RIMBP2: variants seen among roughly 807,000 people sequenced by gnomAD.
RIMBP2 encodes the protein RIMS-binding protein 2.
RIMBP2 carries 48 observed loss-of-function variants against 118.6 expected under a neutral mutation model. The observed-to-expected ratio is 0.40, with a 90% CI of 0.32 to 0.51. The LOEUF (loss-of-function observed/expected upper bound fraction) is 0.51. Ranked by LOEUF, RIMBP2 falls within the 20% of genes least tolerant of loss-of-function variation. RIMBP2 has a pLI of 0.41. For synonymous variants in RIMBP2, 762 were observed against 742.9 expected (o/e 1.03, Z -0.42); for missense variants, 1,551 against 1,768.3 (o/e 0.88, Z 2.20).
In RIMBP2 at chr12:130,434,986, A is replaced by AC. The variant is rs561125595; in HGVS notation, c.2107-107dup. ...TCAGCCCCTCAGAGCCTGGCCAGGC[A>AC]CCCCCCACACAGTGCTTTGGGCCCA... On this transcript the variant is annotated intron_variant, in intron 13 of 22. Transcript: ENST00000690449. The surrounding 1 kb of genome is among the most constrained non-coding windows in gnomAD (Gnocchi z 5.7). 11 of 1,197,960 alleles carry AC rather than the reference A, an allele frequency of 9.2e-6. No homozygotes were observed. Among genetic ancestry groups the AC allele is most frequent in the South Asian group, 3.1e-5 (2 of 64,364 alleles). 74.2% of individuals were successfully genotyped at this position (1,197,960 alleles called of 1,614,324 possible). A position where few individuals can be genotyped will look rare whatever the true frequency, so the allele number is the denominator to read the frequency against.
chr12:130,481,210 A>AGGG (rs1289278749), intron 4 of RIMBP2, among the ~76,000 whole-genome samples: 31 of 88,008 alleles, frequency 3.5e-4, no homozygotes, highest in South Asian at 2.0e-3. Flanking sequence ...GAGGAGGCAG[A>AGGG]CAGGCTGATT....
In RIMBP2 at chr12:130,505,607, C is replaced by T. The variant is rs867627706; in HGVS notation, c.-4+1041G>A. Among the ~76,000 whole-genome samples the T allele has an allele frequency of 2.0e-3, 176 of 88,744 alleles. 7 individuals are homozygous for T. Among genetic ancestry groups the T allele is most frequent in the African/African-American group, 8.2e-3 (168 of 20,502 alleles). The allele number at this position is 88,744 out of a possible 152,430, so 58.2% of individuals were successfully genotyped here. ...CCTCATCCCCAACCCCCACTCCCTCCACTCCCCACCATCATCCCTGGAGGG... is the reference window on the plus strand; with the variant it reads ...CCTCATCCCCAACCCCCACTCCCTCTACTCCCCACCATCATCCCTGGAGGG... On this transcript the variant is annotated intron_variant, in intron 4 of 22. Coordinates refer to ENST00000690449, the MANE Select transcript of RIMBP2 (RefSeq NM_001393629.1).
chr12:130,613,202 T>C (rs1276886350), intron 2 of RIMBP2, among the ~76,000 whole-genome samples: 1 of 150,212 alleles, frequency 6.7e-6, no homozygotes, highest in African/African-American at 2.5e-5. Context: ...GGAGGGAGAG[T>C]TGACAGCAGT....
At chr12:130,414,556 G>A (rs769269708) in intron 17 of RIMBP2, 29 of 322,286 alleles carry the variant, frequency 9.0e-5, no homozygotes, top group Non-Finnish European at 1.6e-4. Flanking sequence ...GCTGGGCCTC[G>A]GGGGCCTCCT....
chr12:130,621,842 T>C lies in RIMBP2; in HGVS notation c.-217+6480A>G, dbSNP rs556970511. Among the ~76,000 whole-genome samples, 1 of 152,264 alleles carries C rather than the reference T, an allele frequency of 6.6e-6. No homozygotes were observed. The highest frequency in any genetic ancestry group is 2.1e-4 in the South Asian group (1 of 4,826). On this transcript the variant is annotated intron_variant, in intron 2 of 22. Transcript: ENST00000690449. This position sits in a 1 kb window ranked among gnomAD's most constrained non-coding sequence, Gnocchi z 6.6. ...GCCCTTGAAGGTAAACCTGGAGCCA[T>C]CGCTGAACCCAGCCTGGTACTGAGG... is the stretch of plus-strand genomic sequence containing the variant.
rs1241107373 is a variant in RIMBP2 at position 130,446,764 on chromosome 12, G to A, written c.582-1495C>T. Among the ~76,000 whole-genome samples, 3 of 152,216 alleles carry A rather than the reference G, an allele frequency of 2.0e-5. No homozygotes were observed. Among genetic ancestry groups the A allele is most frequent in the African/African-American group, 4.8e-5 (2 of 41,452 alleles). On this transcript the variant is annotated intron_variant, in intron 9 of 22. Transcript: ENST00000690449. The surrounding 1 kb of genome is among the most constrained non-coding windows in gnomAD (Gnocchi z 4.1). ...ACAAGCTGTGGGATGTCATGAAAGA[G>A]TTTTAAGCCAGGGAGCGACAGGATC...
chr12:130,512,855 C>T (rs754970941), intron 3 of RIMBP2, among the ~76,000 whole-genome samples: 44 of 152,296 alleles, frequency 2.9e-4, no homozygotes, highest in Non-Finnish European at 5.3e-4. Context: ...CCCTCTTATG[C>T]GATTTTTTTT....
At chr12:130,529,367 C>T (rs1239055809) in intron 2 of RIMBP2, among the ~76,000 whole-genome samples, 2 of 152,134 alleles carry the variant, frequency 1.3e-5, no homozygotes, top group South Asian at 2.1e-4. Context: ...AAGCCAGACA[C>T]AAATGTTCAC....
At chr12:130,549,291 C>T (rs999314368) in intron 2 of RIMBP2, among the ~76,000 whole-genome samples, 7 of 152,210 alleles carry the variant, frequency 4.6e-5, no homozygotes, top group South Asian at 4.2e-4. Context: ...AATGATACGA[C>T]GACAGTTTTT....
At chr12:130,549,491 T>C (rs960477003) in intron 2 of RIMBP2, among the ~76,000 whole-genome samples, 6 of 152,122 alleles carry the variant, frequency 3.9e-5, no homozygotes, top group African/African-American at 1.4e-4. Context: ...TACTCAATAG[T>C]TGTCTTTTCT....
intron 1 of RIMBP2, among the ~76,000 whole-genome samples, chr12:130,646,087 T>TTCCCTCTCCACCTCCCTCACCACC (rs2062882808): frequency 1.7e-5 from 1 of 60,504 alleles, no homozygotes; most frequent in African/African-American, 6.5e-5. Flanking sequence ...CCCTCACCAC[T>TTCCCTCTCCACCTCCCTCACCACC]TCCCTCTCCA....
intron 17 of RIMBP2, among the ~76,000 whole-genome samples, chr12:130,415,528 A>G (rs991176781): frequency 2.6e-5 from 4 of 152,244 alleles, no homozygotes; most frequent in African/African-American, 9.6e-5. Flanking sequence ...TTCCTGTTCA[A>G]CACTGGAGTG....
chr12:130,463,867 A>G (rs2080222819), intron 6 of RIMBP2, among the ~76,000 whole-genome samples: 2 of 150,838 alleles, frequency 1.3e-5, no homozygotes, highest in Admixed American at 1.3e-4. Flanking sequence ...AGGGCGCAGT[A>G]AAGGAGCCAC....
rs2137287598 is a variant in RIMBP2 at position 130,447,732 on chromosome 12, C to T, written c.582-2463G>A. The stretch of plus-strand genomic sequence containing the variant: ...ATGGTGATGAATGTGTCAGCCTCAC[C>T]CTGGACCTCGGGTGGGAAGGACCCA... On this transcript the variant is annotated intron_variant, in intron 9 of 22. Coordinates refer to ENST00000690449, the MANE Select transcript of RIMBP2 (RefSeq NM_001393629.1). This position sits in a 1 kb window ranked among gnomAD's most constrained non-coding sequence, Gnocchi z 4.4. 6.6e-6 allele frequency among the ~76,000 whole-genome samples: 1 copy of T among 152,250 alleles called. No homozygotes were observed. Among genetic ancestry groups the T allele is most frequent in the East Asian group, 1.9e-4 (1 of 5,172 alleles).
chr12:130,628,273 T>C (rs960520163), intron 2 of RIMBP2, 49 bp downstream of exon 2: 3 of 152,168 alleles, frequency 2.0e-5, no homozygotes, highest in Non-Finnish European at 4.4e-5. Context: ...ACACAGCCCC[T>C]AACTGATACA....
intron 1 of RIMBP2, among the ~76,000 whole-genome samples, chr12:130,672,030 T>C (rs1468671118): frequency 1.3e-5 from 2 of 152,226 alleles, no homozygotes; most frequent in Non-Finnish European, 2.9e-5. Flanking sequence ...TGATATGATA[T>C]GGTTTCAGCA....
intron 4 of RIMBP2, among the ~76,000 whole-genome samples, 169 bp downstream of exon 4, chr12:130,506,479 T>C (rs1309949125): frequency 6.6e-6 from 1 of 152,204 alleles, no homozygotes; most frequent in African/African-American, 2.4e-5. Flanking sequence ...TGTTATTTAT[T>C]GCTTTTTATA....
Position 130,475,736 on chromosome 12 carries a change from T to A in RIMBP2, c.102+3176A>T, listed in dbSNP as rs975411094. Among the ~76,000 whole-genome samples the A allele has an allele frequency of 1.3e-5, 2 of 151,542 alleles. No homozygotes were observed. The highest frequency in any genetic ancestry group is 2.4e-5 in the African/African-American group (1 of 41,222). The stretch of plus-strand genomic sequence containing the variant: ...AAGGAATGATGGGTACACAGAGAAG[T>A]AAGACAACAAGCAAACAAAAAAGGC... On this transcript the variant is annotated intron_variant, in intron 5 of 22. Coordinates refer to ENST00000690449, the MANE Select transcript of RIMBP2 (RefSeq NM_001393629.1). This position sits in a 1 kb window ranked among gnomAD's most constrained non-coding sequence, Gnocchi z 4.1.
chr12:130,495,837 A>G (rs1248713082), intron 4 of RIMBP2, among the ~76,000 whole-genome samples: 1 of 152,248 alleles, frequency 6.6e-6, no homozygotes, highest in Non-Finnish European at 1.5e-5. Context: ...CACTTTAAAG[A>G]TGAGAGAACA....
Sources: allele counts gnomAD v4.1 joint callset (sites outside exome capture counted in the v4.1 genomes callset), GRCh38; gene constraint gnomAD v4.1.1; non-coding constraint Gnocchi (gnomAD v3.1); transcripts MANE v1.5; gene names NCBI Gene and HGNC (gene_info 2026-07-23, HGNC 2026-07-21).